Variants in DOK5 observed in about 807,000 individuals in gnomAD.
DOK5 encodes downstream of tyrosine kinase 5.
DOK5 carries 27 observed loss-of-function variants against 43.3 expected under a neutral mutation model. That is an observed-to-expected ratio of 0.62 (90% CI 0.46 to 0.86). DOK5 has a LOEUF of 0.86. Among genes scored for constraint, DOK5 ranks in the 40% least tolerant of loss-of-function variants. DOK5 has a pLI of 0.00. For synonymous variants in DOK5, 146 were observed against 140.1 expected, an observed-to-expected ratio of 1.04 and a Z score of -0.30; for missense variants, 373 against 392.9, an observed-to-expected ratio of 0.95 and a Z score of 0.43.
rs539691325 is a variant in DOK5, at chr20:54,527,218, C to T, written c.67-27715C>T. 5.9e-5 allele frequency among the ~76,000 whole-genome samples: 9 copies of T among 152,192 alleles called. No homozygotes were observed. In the South Asian group the frequency reaches 1.5e-3, roughly 25 times the overall value. ...TCCAATGGCAAATTTCAGGATCTTT[C>T]GTTCAGAATTCACCTTCTGTTTGAG... On this transcript the variant is annotated intron_variant, in intron 1 of 7. Coordinates refer to ENST00000262593, the MANE Select transcript of DOK5 (RefSeq NM_018431.5).
intron 7 of DOK5, among the ~76,000 whole-genome samples, chr20:54,646,028 A>G (rs992348176): frequency 2.0e-5 from 3 of 150,954 alleles, no homozygotes; most frequent in African/African-American, 7.3e-5. Context: ...TTACCTTCCA[A>G]GATTTCTCTG....
intron 1 of DOK5, chr20:54,476,252 T>G (rs1981420318): frequency 1.0e-6 from 1 of 961,408 alleles, no homozygotes; most frequent in African/African-American, 1.8e-5. Context: ...CGTGTTGGGC[T>G]TCAGTAGCCC....
intron 5 of DOK5, among the ~76,000 whole-genome samples, chr20:54,596,638 G>C (rs746201895): frequency 6.6e-6 from 1 of 152,050 alleles, no homozygotes; most frequent in Non-Finnish European, 1.5e-5. Flanking sequence ...CTGTAAATTG[G>C]GAACACATAT....
chr20:54,479,909 C>A (rs1981599471), intron 1 of DOK5, among the ~76,000 whole-genome samples: 1 of 151,996 alleles, frequency 6.6e-6, no homozygotes, highest in African/African-American at 2.4e-5. Flanking sequence ...CCCCTACAGG[C>A]AATCCATCAG....
intron 1 of DOK5, among the ~76,000 whole-genome samples, chr20:54,495,934 C>G (rs758912680): frequency 1.3e-5 from 2 of 152,132 alleles, no homozygotes; most frequent in African/African-American, 2.4e-5. Flanking sequence ...TGGGGTACCT[C>G]TAAGTGAGAC....
intron 6 of DOK5, among the ~76,000 whole-genome samples, chr20:54,615,887 G>A (rs1050081352): frequency 9.8e-5 from 14 of 142,156 alleles, no homozygotes; most frequent in African/African-American, 4.0e-4. Context: ...GTGACAGAGC[G>A]AGACTCCATC....
chr20:54,528,063 T>C (rs1727474407), intron 1 of DOK5, among the ~76,000 whole-genome samples: 1 of 151,918 alleles, frequency 6.6e-6, no homozygotes, highest in Admixed American at 6.6e-5. Flanking sequence ...AAAAAGTTAG[T>C]TGGGCGTGAT....
chr20:54,492,079 T>C (rs1341582504), intron 1 of DOK5, among the ~76,000 whole-genome samples: 2 of 151,862 alleles, frequency 1.3e-5, no homozygotes, highest in South Asian at 2.1e-4. Flanking sequence ...AATTCATATG[T>C]CATATATATA....
chr20:54,564,259 TA>T, intron 2 of DOK5, among the ~76,000 whole-genome samples: 1 of 151,756 alleles, frequency 6.6e-6, no homozygotes, highest in South Asian at 2.1e-4. Context: ...CCGTCTCTAC[TA>T]AAAAAAATAC....
chr20:54,515,713 GA>G (rs1983176340), intron 1 of DOK5, among the ~76,000 whole-genome samples: 1 of 152,168 alleles, frequency 6.6e-6, no homozygotes, highest in Admixed American at 6.5e-5. Context: ...TTACCAAGAA[GA>G]AAATCATTTT....
At chr20:54,637,691 G>A (rs1377402247) in intron 6 of DOK5, among the ~76,000 whole-genome samples, 1 of 152,196 alleles carries the variant, frequency 6.6e-6, no homozygotes, top group Non-Finnish European at 1.5e-5. Context: ...AGCTTGGTTA[G>A]GATTTATTTT....
At chr20:54,552,527 T>C (rs1984565131) in intron 1 of DOK5, among the ~76,000 whole-genome samples, 1 of 152,066 alleles carries the variant, frequency 6.6e-6, no homozygotes, top group Non-Finnish European at 1.5e-5. Flanking sequence ...ATATATTCTA[T>C]ATGTATCGTA....
At chr20:54,592,222 T>C (rs970877369) in intron 5 of DOK5, among the ~76,000 whole-genome samples, 2 of 152,190 alleles carry the variant, frequency 1.3e-5, no homozygotes, top group Non-Finnish European at 2.9e-5. Context: ...ATTATTAATA[T>C]GAGGGCCCAT....
chr20:54,560,311 A>G (rs574407881), intron 2 of DOK5, among the ~76,000 whole-genome samples: 1 of 152,314 alleles, frequency 6.6e-6, no homozygotes, highest in African/African-American at 2.4e-5. Flanking sequence ...TCATGTAAGA[A>G]ACTACCCACC....
chr20:54,621,493 A>G (rs1420014546), intron 6 of DOK5, among the ~76,000 whole-genome samples: 4 of 152,006 alleles, frequency 2.6e-5, no homozygotes, highest in Admixed American at 2.6e-4. Flanking sequence ...GGAGGTTGAG[A>G]CCAGCCTGGC....
chr20:54,639,886 G>A (rs534472770), intron 6 of DOK5, among the ~76,000 whole-genome samples: 1 of 152,336 alleles, frequency 6.6e-6, no homozygotes, highest in African/African-American at 2.4e-5. Flanking sequence ...ATAAATGTGA[G>A]CTATACGTAC....
At chr20:54,501,277 C>T (rs1255043267) in intron 1 of DOK5, among the ~76,000 whole-genome samples, 1 of 151,644 alleles carries the variant, frequency 6.6e-6, no homozygotes, top group Non-Finnish European at 1.5e-5. Context: ...ACTATCCTGG[C>T]TAACACGATG....
intron 6 of DOK5, among the ~76,000 whole-genome samples, chr20:54,640,444 T>G (rs374057524): frequency 2.0e-5 from 3 of 152,218 alleles, no homozygotes; most frequent in African/African-American, 7.2e-5. Context: ...GCCTACTGGA[T>G]TCTCACCAAA....
chr20:54,530,770 T>C (rs6091915), intron 1 of DOK5, among the ~76,000 whole-genome samples: 3,697 of 152,026 alleles, frequency 0.024, 148 homozygotes, highest in African/African-American at 0.084. Context: ...TTTGAGTTGA[T>C]TTTTTAAGAC....
Sources: allele counts gnomAD v4.1 joint callset (sites outside exome capture counted in the v4.1 genomes callset), GRCh38; gene constraint gnomAD v4.1.1; transcripts MANE v1.5; gene names NCBI Gene and HGNC (gene_info 2026-07-23, HGNC 2026-07-21).